The following EFCAB6 variants were observed in gnomAD, a reference collection of about 807,000 sequenced individuals.
EFCAB6 encodes EF-hand calcium binding domain 6.
In EFCAB6, 156 loss-of-function variants were observed where a neutral mutation model predicts 169.8. The observed-to-expected ratio is 0.92, with a 90% CI of 0.81 to 1.05. The LOEUF (loss-of-function observed/expected upper bound fraction) is 1.05. Among genes scored for constraint, EFCAB6 ranks in the 50% least tolerant of loss-of-function variants. EFCAB6 has a pLI of 0.00. For missense variants in EFCAB6, 1,800 were observed against 1,829.1 expected, an observed-to-expected ratio of 0.98 and a Z score of 0.29; for synonymous variants, 698 against 676.4, an observed-to-expected ratio of 1.03 and a Z score of -0.50.
At chr22:43,664,647 C>T (rs907201400) in intron 17 of EFCAB6, among the ~76,000 whole-genome samples, 3 of 152,188 alleles carry the variant, frequency 2.0e-5, no homozygotes, top group African/African-American at 4.8e-5. Flanking sequence ...CAAGGAGCCG[C>T]GATCTTGGCA....
At chr22:43,684,679 C>T (rs773652359) in intron 11 of EFCAB6, among the ~76,000 whole-genome samples, 2 of 152,204 alleles carry the variant, frequency 1.3e-5, no homozygotes, top group East Asian at 1.9e-4. Context: ...AATAAGCCTA[C>T]GCCTACCACC....
At chr22:43,782,089 C>A in intron 3 of EFCAB6, 91 bp downstream of exon 3, 1 of 1,290,418 alleles carries the variant, frequency 7.7e-7, no homozygotes, top group South Asian at 1.5e-5. Flanking sequence ...GATTAAATGT[C>A]ATATGAGTCC....
rs765190821 is a variant in EFCAB6, at chr22:43,600,055, C to T, written c.2876+14G>A. The T allele has an allele frequency of 1.9e-6, 3 of 1,610,676 alleles. No individual in the cohort carries two copies. The Admixed American group carries it at 5.0e-5, about 27-fold the overall frequency. On this transcript the variant is annotated intron_variant, in intron 23 of 31. Transcript: ENST00000262726. ...GACTTCTAGATGATGGCCCCGTGATCCTTCCTCACTCACCTGGCTGCCACA... is the reference window on the plus strand; with the variant it reads ...GACTTCTAGATGATGGCCCCGTGATTCTTCCTCACTCACCTGGCTGCCACA...
At chr22:43,621,400 C>G (rs2054105488) in intron 20 of EFCAB6, among the ~76,000 whole-genome samples, 1 of 152,016 alleles carries the variant, frequency 6.6e-6, no homozygotes, top group African/African-American at 2.4e-5. Context: ...CTGTACCTGG[C>G]CTGAACATGA....
intron 2 of EFCAB6, among the ~76,000 whole-genome samples, chr22:43,800,622 G>A (rs1470185013): frequency 6.6e-6 from 1 of 152,172 alleles, no homozygotes; most frequent in African/African-American, 2.4e-5. Flanking sequence ...AAATTTAGCA[G>A]AGATTGAGAT....
At chr22:43,574,610 A>G (rs1408470694) in intron 26 of EFCAB6, among the ~76,000 whole-genome samples, 1 of 151,290 alleles carries the variant, frequency 6.6e-6, no homozygotes, top group Non-Finnish European at 1.5e-5. Flanking sequence ...ATTGTCCCCA[A>G]TGTCTCCCAT....
intron 21 of EFCAB6, among the ~76,000 whole-genome samples, chr22:43,609,268 A>C (rs767222400): frequency 4.5e-4 from 68 of 152,254 alleles, no homozygotes; most frequent in Non-Finnish European, 8.7e-4. Flanking sequence ...TCAGGAACAA[A>C]GTGAGAATAT....
At chr22:43,669,146 T>C in intron 15 of EFCAB6, 101 bp from the exon 16 acceptor site, 1 of 1,058,582 alleles carries the variant, frequency 9.4e-7, no homozygotes, top group Middle Eastern at 2.5e-4. Flanking sequence ...ACTACAACTT[T>C]CATCCACTGC....
chr22:43,781,037 G>A (rs759276153), intron 3 of EFCAB6, among the ~76,000 whole-genome samples: 7 of 152,116 alleles, frequency 4.6e-5, no homozygotes, highest in Non-Finnish European at 8.8e-5. Context: ...TGTCTAGGGC[G>A]GGCCTTCTCT....
intron 27 of EFCAB6, among the ~76,000 whole-genome samples, chr22:43,545,956 G>A (rs750172804): frequency 6.6e-6 from 1 of 152,032 alleles, no homozygotes; most frequent in Non-Finnish European, 1.5e-5. Flanking sequence ...AACACATGAA[G>A]AGGCAAGTCA....
chr22:43,633,485 T>C (rs1328886459), intron 18 of EFCAB6, among the ~76,000 whole-genome samples: 1 of 152,172 alleles, frequency 6.6e-6, no homozygotes, highest in Non-Finnish European at 1.5e-5. Flanking sequence ...GAGGCTGAGG[T>C]TGCAGTGAGC....
intron 22 of EFCAB6, among the ~76,000 whole-genome samples, chr22:43,606,273 C>T (rs2052911747): frequency 6.6e-6 from 1 of 152,206 alleles, no homozygotes; most frequent in Non-Finnish European, 1.5e-5. Flanking sequence ...GACAGGGATA[C>T]AGCACTTAAT....
intron 10 of EFCAB6, among the ~76,000 whole-genome samples, chr22:43,705,795 C>A (rs1035448085): frequency 6.6e-6 from 1 of 151,784 alleles, no homozygotes; most frequent in African/African-American, 2.4e-5. Flanking sequence ...ACAAGAAGAT[C>A]CCAAATGAAC....
chr22:43,573,846 C>T (rs1039005773), intron 26 of EFCAB6, among the ~76,000 whole-genome samples: 5 of 150,988 alleles, frequency 3.3e-5, no homozygotes, highest in African/African-American at 1.2e-4. Flanking sequence ...ATATTCCAAA[C>T]AGTATATAAT....
At chr22:43,695,346 A>G (rs964332049) in intron 10 of EFCAB6, among the ~76,000 whole-genome samples, 2 of 152,050 alleles carry the variant, frequency 1.3e-5, no homozygotes, top group African/African-American at 4.8e-5. Flanking sequence ...TAGGAAAATT[A>G]AAGACAATTA....
At chr22:43,548,569 A>AAAT (rs1569140151) in intron 27 of EFCAB6, among the ~76,000 whole-genome samples, 21 of 129,932 alleles carry the variant, frequency 1.6e-4, no homozygotes, top group African/African-American at 5.8e-4. Context: ...AAAAAAAAAA[A>AAAT]AGGTCAACTC....
At chr22:43,802,612 G>C in intron 2 of EFCAB6, 1 of 469,712 alleles carries the variant, frequency 2.1e-6, no homozygotes, top group Admixed American at 2.4e-5. Context: ...CTCCTCCAAA[G>C]CCAGAGCCCA....
chr22:43,615,391 T>C (rs1365540254), intron 21 of EFCAB6, among the ~76,000 whole-genome samples: 1 of 152,198 alleles, frequency 6.6e-6, no homozygotes, highest in African/African-American at 2.4e-5. Flanking sequence ...TTCTATAATT[T>C]TGGCAAGACA....
intron 10 of EFCAB6, among the ~76,000 whole-genome samples, chr22:43,709,185 G>A (rs1447269869): frequency 2.6e-5 from 4 of 152,074 alleles, no homozygotes; most frequent in South Asian, 4.2e-4. Flanking sequence ...GGGTTCAAGC[G>A]ATTCTCCTGC....
Sources: gnomAD v4.1 joint callset for allele counts (sites outside exome capture counted in the v4.1 genomes callset) on GRCh38, gnomAD v4.1.1 for gene constraint, MANE v1.5 for transcripts, NCBI Gene and HGNC (gene_info 2026-07-23, HGNC 2026-07-21) for gene names.